Variants in ZDHHC11 observed in about 807,000 individuals in gnomAD.
ZDHHC11 encodes the protein zDHHC palmitoyltransferase 11.
Under a neutral mutation model 51.3 loss-of-function variants are expected in ZDHHC11, and 44 were observed. The observed-to-expected ratio is 0.86, with a 90% CI of 0.67 to 1.10. The LOEUF (loss-of-function observed/expected upper bound fraction) is 1.10. Among genes scored for constraint, ZDHHC11 ranks in the 50% least tolerant of loss-of-function variants. ZDHHC11 has a pLI of 0.00. For synonymous variants in ZDHHC11, 163 were observed against 222.0 expected, an observed-to-expected ratio of 0.73 and a Z score of 2.36; for missense variants, 400 against 537.7, an observed-to-expected ratio of 0.74 and a Z score of 2.53.
chr5:803,707 T>A lies in ZDHHC11; in HGVS notation c.1182-2543A>T, dbSNP rs191410628. 3.4e-3 allele frequency among the ~76,000 whole-genome samples: 510 copies of A among 151,168 alleles called. 21 individuals are homozygous for A. Among genetic ancestry groups the A allele is most frequent in the Non-Finnish European group, 2.2e-3 (147 of 67,674 alleles). ...CTAGTCAAACACATTAAATCAGCTG[T>A]CTTAAATATGCTCAGTAAACTACAG... On this transcript the variant is annotated intron_variant, in intron 11 of 12. Coordinates refer to ENST00000283441, the MANE Select transcript of ZDHHC11 (RefSeq NM_024786.3).
intron 5 of ZDHHC11, chr5:840,278 C>T (rs371221251): frequency 2.5e-6 from 2 of 807,388 alleles, no homozygotes; most frequent in African/African-American, 1.7e-5. Context: ...CTGCTGGGTC[C>T]TCATGGATTT....
intron 9 of ZDHHC11, among the ~76,000 whole-genome samples, chr5:821,648 A>ACAG (rs112606456): frequency 6.6e-6 from 1 of 150,564 alleles, no homozygotes; most frequent in Admixed American, 6.6e-5. Context: ...GAAAAAAACA[A>ACAG]ATCACAGAGC....
At chr5:799,967 C>T (rs529462100) in intron 12 of ZDHHC11, among the ~76,000 whole-genome samples, 2 of 151,272 alleles carry the variant, frequency 1.3e-5, no homozygotes, top group Non-Finnish European at 3.0e-5. Context: ...GCATCTCAAA[C>T]ACTTTTTTTT....
At chr5:845,101 G>A (rs572229015) in intron 3 of ZDHHC11, among the ~76,000 whole-genome samples, 5 of 152,286 alleles carry the variant, frequency 3.3e-5, no homozygotes, top group East Asian at 3.8e-4. Flanking sequence ...TGCCTTCCCC[G>A]CGCTCCTCCT....
intron 11 of ZDHHC11, among the ~76,000 whole-genome samples, chr5:814,353 T>C (rs1388433646): frequency 6.6e-6 from 1 of 151,264 alleles, no homozygotes; most frequent in Non-Finnish European, 1.5e-5. Context: ...GAAAAAGTGG[T>C]GTGCAGTTGG....
chr5:860,284 GA>G, upstream of ZDHHC11, among the ~76,000 whole-genome samples: 1 of 152,340 alleles, frequency 6.6e-6, no homozygotes, highest in South Asian at 2.1e-4. The surrounding 1 kb of genome is among the most constrained non-coding windows in gnomAD (Gnocchi z 4.2). Flanking sequence ...CACTAAGGGT[GA>G]CGGCAGGTCC....
At chr5:831,324 C>A (rs2150361436) in intron 7 of ZDHHC11, among the ~76,000 whole-genome samples, 1 of 149,508 alleles carries the variant, frequency 6.7e-6, no homozygotes, top group East Asian at 2.0e-4. Flanking sequence ...TGGCTCATGT[C>A]TGTAATCCCA....
At chr5:830,035 T>A (rs1742874315) in intron 7 of ZDHHC11, among the ~76,000 whole-genome samples, 1 of 148,002 alleles carries the variant, frequency 6.8e-6, no homozygotes, top group South Asian at 2.1e-4. Context: ...AACATTATAC[T>A]GAATGGGGAA....
In ZDHHC11 at chr5:829,466, T is replaced by G. The variant is rs529833006; in HGVS notation, c.936-4215A>C. Among the ~76,000 whole-genome samples, 94 of 151,742 alleles carry G rather than the reference T, an allele frequency of 6.2e-4. 2 individuals are homozygous for G. Among genetic ancestry groups the G allele is most frequent in the Non-Finnish European group, 1.1e-3 (74 of 67,946 alleles). On this transcript the variant is annotated intron_variant, in intron 7 of 12. Coordinates refer to ENST00000283441, the MANE Select transcript of ZDHHC11 (RefSeq NM_024786.3). ...TTAAATCAGGAAGAAATAGAAACTCTTAACAGACTAATAACAAGTAGCGAG... is the reference window on the plus strand; with the variant it reads ...TTAAATCAGGAAGAAATAGAAACTCGTAACAGACTAATAACAAGTAGCGAG...
chr5:858,298 C>CCGGTCCCCGTCCTGTCTTT (rs1748562715), intron 1 of ZDHHC11, among the ~76,000 whole-genome samples: 2 of 151,488 alleles, frequency 1.3e-5, no homozygotes, highest in African/African-American at 2.4e-5. Flanking sequence ...AGAGTCTGTC[C>CCGGTCCCCGTCCTGTCTTT]AGGTCCCAAC....
rs1247646628 is a variant in ZDHHC11, at chr5:828,310, C to T, written c.936-3059G>A. Among the ~76,000 whole-genome samples, 6 of 151,172 alleles carry T rather than the reference C, an allele frequency of 4.0e-5. 1 individual carries two copies. The highest frequency in any genetic ancestry group is 2.1e-4 in the South Asian group (1 of 4,816). On this transcript the variant is annotated intron_variant, in intron 7 of 12. Transcript: ENST00000283441. ...GGGGCTCCTCACTTCCCAGAAGGGGCGGCCGGGCGGAGGCACCCCCCACCT... is the reference window on the plus strand; with the variant it reads ...GGGGCTCCTCACTTCCCAGAAGGGGTGGCCGGGCGGAGGCACCCCCCACCT...
At chr5:842,028 G>C (rs1298413839) in intron 4 of ZDHHC11, 1 of 986,796 alleles carries the variant, frequency 1.0e-6, no homozygotes, top group East Asian at 1.1e-4. Context: ...GATGAGTTCA[G>C]CCCATGAGAA....
upstream of ZDHHC11, among the ~76,000 whole-genome samples, chr5:855,763 C>CA (rs1560871906): frequency 6.7e-6 from 1 of 148,334 alleles, no homozygotes; most frequent in Non-Finnish European, 1.5e-5. Flanking sequence ...GGACAGCGAG[C>CA]GAGGGTTACA....
chr5:821,754 T>G (rs1239430753), intron 9 of ZDHHC11, 107 bp downstream of exon 9: 1 of 1,168,482 alleles, frequency 8.6e-7, no homozygotes, highest in African/African-American at 1.5e-5. Flanking sequence ...TCAGGATATT[T>G]GAAGACATTA....
intron 8 of ZDHHC11, among the ~76,000 whole-genome samples, chr5:822,339 G>A (rs1364888753): frequency 6.6e-6 from 1 of 151,396 alleles, no homozygotes; most frequent in African/African-American, 2.4e-5. Flanking sequence ...GGCCTTGGGA[G>A]AAACCAACCC....
upstream of ZDHHC11, among the ~76,000 whole-genome samples, chr5:855,253 G>GC: frequency 6.9e-6 from 1 of 144,866 alleles, no homozygotes; most frequent in African/African-American, 2.6e-5. Flanking sequence ...GAGCCGGGGG[G>GC]AGAGACACCA....
chr5:816,684 C>A, intron 10 of ZDHHC11: 1 of 608,624 alleles, frequency 1.6e-6, no homozygotes, highest in South Asian at 1.5e-5. Flanking sequence ...CCCGTTTTGG[C>A]TTTGTGATGA....
chr5:859,890 C>T (rs759467485), upstream of ZDHHC11, among the ~76,000 whole-genome samples: 3 of 152,156 alleles, frequency 2.0e-5, no homozygotes, highest in Non-Finnish European at 1.5e-5. Context: ...GCCTCCGATG[C>T]GGGCCAGCTG....
intron 10 of ZDHHC11, 129 bp from the exon 11 acceptor site, chr5:814,924 G>A (rs1740580302): frequency 2.1e-6 from 2 of 962,500 alleles, no homozygotes; most frequent in Middle Eastern, 2.2e-4. Context: ...CCTGGATCAT[G>A]GAATAGGATC....
Sources: allele counts gnomAD v4.1 joint callset (sites outside exome capture counted in the v4.1 genomes callset), GRCh38; gene constraint gnomAD v4.1.1; non-coding constraint Gnocchi (gnomAD v3.1); transcripts MANE v1.5; gene names NCBI Gene and HGNC (gene_info 2026-07-23, HGNC 2026-07-21).